DLGAP2: variants seen among roughly 807,000 people sequenced by gnomAD.
DLGAP2 encodes the protein DLG associated protein 2.
A neutral mutation model predicts 100.3 loss-of-function variants in DLGAP2; 26 were observed. The observed-to-expected ratio is 0.26, with a 90% confidence interval of 0.19 to 0.36. The LOEUF is 0.36. DLGAP2 is among the 10% of genes least tolerant of loss of function. The pLI is 1.00. For synonymous variants in DLGAP2, 886 were observed against 630.1 expected, an observed-to-expected ratio of 1.41 and a Z score of -6.08; for missense variants, 1,858 against 1,453.2, an observed-to-expected ratio of 1.28 and a Z score of -4.53.
intron 2 of DLGAP2, among the ~76,000 whole-genome samples, chr8:1,046,639 A>T (rs946318288): frequency 6.6e-6 from 1 of 152,182 alleles, no homozygotes; most frequent in East Asian, 1.9e-4. Context: ...GTACACGTTG[A>T]AAAGGGGGAT....
chr8:741,495 G>A, intron 1 of DLGAP2, among the ~76,000 whole-genome samples: 1 of 152,174 alleles, frequency 6.6e-6, no homozygotes, highest in East Asian at 1.9e-4. Context: ...AGAGGGGCCT[G>A]GGTGTTCTGA....
intron 1 of DLGAP2, among the ~76,000 whole-genome samples, chr8:848,090 G>T (rs1215681551): frequency 1.3e-5 from 2 of 152,128 alleles, no homozygotes; most frequent in East Asian, 3.9e-4. Flanking sequence ...GCACCTGCCT[G>T]CCTGTTCTCT....
chr8:821,121 T>C (rs1195024540), intron 1 of DLGAP2, among the ~76,000 whole-genome samples: 2 of 152,204 alleles, frequency 1.3e-5, no homozygotes, highest in Non-Finnish European at 2.9e-5. Context: ...ACAATAAAAG[T>C]CAGCTAATTT....
chr8:1,249,440 G>A (rs1011677839), intron 2 of DLGAP2, among the ~76,000 whole-genome samples: 9 of 152,144 alleles, frequency 5.9e-5, no homozygotes, highest in African/African-American at 2.2e-4. Context: ...ACTTTCTTCT[G>A]TTTCTCTGCT....
intron 2 of DLGAP2, among the ~76,000 whole-genome samples, chr8:1,024,816 G>A (rs373721297): frequency 2.4e-4 from 37 of 152,248 alleles, no homozygotes; most frequent in African/African-American, 7.5e-4. Context: ...TTAGGCCAGC[G>A]GCGTCTCAAG....
chr8:823,085 C>G (rs1796613452), intron 1 of DLGAP2, among the ~76,000 whole-genome samples: 1 of 152,052 alleles, frequency 6.6e-6, no homozygotes, highest in Non-Finnish European at 1.5e-5. Context: ...CACTGCCTGT[C>G]ATCTCCTTCT....
intron 2 of DLGAP2, among the ~76,000 whole-genome samples, chr8:1,083,104 T>C (rs569016620): frequency 8.3e-4 from 127 of 152,340 alleles, no homozygotes; most frequent in Middle Eastern, 3.4e-3. Flanking sequence ...TACACAGTTA[T>C]CTGTGTGTGA....
chr8:1,191,672 A>C (rs1164570149), intron 2 of DLGAP2, among the ~76,000 whole-genome samples: 1 of 152,170 alleles, frequency 6.6e-6, no homozygotes, highest in Admixed American at 6.5e-5. Context: ...AAACATTAGA[A>C]ATCAAGAAGG....
chr8:971,356 A>G (rs530752599), intron 2 of DLGAP2, among the ~76,000 whole-genome samples: 1 of 152,250 alleles, frequency 6.6e-6, no homozygotes, highest in East Asian at 1.9e-4. Flanking sequence ...GAAGTGCTGA[A>G]CTCGCTGAAA....
intron 6 of DLGAP2, among the ~76,000 whole-genome samples, chr8:1,603,131 C>G (rs56677028): frequency 2.0e-3 from 125 of 61,564 alleles, no homozygotes; most frequent in African/African-American, 2.2e-3. Flanking sequence ...CAGTTCTCCA[C>G]AGGCTGGTTA....
chr8:1,051,398 G>A (rs112981708), intron 2 of DLGAP2, among the ~76,000 whole-genome samples: 2 of 151,984 alleles, frequency 1.3e-5, no homozygotes, highest in Non-Finnish European at 2.9e-5. Context: ...ATCCAATACC[G>A]TCAGCTGTTT....
intron 1 of DLGAP2, among the ~76,000 whole-genome samples, chr8:858,626 T>G (rs1797329387): frequency 6.7e-6 from 1 of 148,586 alleles, no homozygotes; most frequent in African/African-American, 2.5e-5. Context: ...GCTGTCACCG[T>G]GGGCACGTGT....
chr8:1,626,888 G>A lies in DLGAP2; in HGVS notation c.1590+1G>A, dbSNP rs1797518769. 6.3e-7 allele frequency: 1 copy of A among 1,594,820 alleles called. No individual in the cohort carries two copies. Among genetic ancestry groups the A allele is most frequent in the Non-Finnish European group, 8.5e-7 (1 of 1,171,040 alleles). On this transcript the variant is annotated splice_donor_variant, in intron 7 of 14. Transcript: ENST00000637795. LOFTEE classifies it high-confidence loss of function. ...GAGCCAGGCCAGCTGCGTGAGCCAG[G>A]TCAGGGTCCCTTCGCCCTTTCTCCC...
chr8:755,668 T>C (rs1820901542), intron 1 of DLGAP2, among the ~76,000 whole-genome samples: 1 of 151,954 alleles, frequency 6.6e-6, no homozygotes, highest in Non-Finnish European at 1.5e-5. Context: ...TGGAGCTCTT[T>C]GTGAATCTGA....
chr8:1,317,224 TCGGCAG>T (rs200212411), intron 3 of DLGAP2, among the ~76,000 whole-genome samples: 4 of 133,164 alleles, frequency 3.0e-5, no homozygotes, highest in Non-Finnish European at 4.7e-5. Context: ...CTCGAGACAC[TCGGCAG>T]CGTTTAAAAA....
chr8:1,171,632 A>G (rs1188298755), intron 2 of DLGAP2, among the ~76,000 whole-genome samples: 5 of 152,186 alleles, frequency 3.3e-5, no homozygotes, highest in Admixed American at 6.5e-5. Flanking sequence ...CTTTACCATT[A>G]TGTAATGGCC....
At position 1,181,830 on chromosome 8, in the gene DLGAP2, C is replaced by G. The variant is rs189238664; in HGVS notation, c.74-77021C>G. ...CACCCACGCAGAAGGCTATGAGTGA[C>G]AGGTACCACCTTCCTCCCTGCACGG... On this transcript the variant is annotated intron_variant, in intron 2 of 14. Coordinates refer to ENST00000637795, the MANE Select transcript of DLGAP2 (RefSeq NM_001346810.2). Among the ~76,000 whole-genome samples the G allele has an allele frequency of 9.8e-5, 15 of 152,294 alleles. No individual in the cohort carries two copies. In the East Asian group the frequency reaches 2.9e-3, roughly 29 times the overall value.
At chr8:1,287,150 G>GTGTGCGCGCGCGCGCGCGTGGT (rs1799940012) in intron 3 of DLGAP2, among the ~76,000 whole-genome samples, 1 of 131,964 alleles carries the variant, frequency 7.6e-6, no homozygotes, top group Admixed American at 7.7e-5. Flanking sequence ...GTGTGTGTGT[G>GTGTGCGCGCGCGCGCGCGTGGT]TGTGTGTGCG....
In DLGAP2 at chr8:974,984, C is replaced by T. The variant is rs75666896; in HGVS notation, c.73+67018C>T. Among the ~76,000 whole-genome samples the T allele has an allele frequency of 3.2e-3, 488 of 152,214 alleles. 3 individuals are homozygous for T. The highest frequency in any genetic ancestry group is 0.011 in the African/African-American group (460 of 41,550). On this transcript the variant is annotated intron_variant, in intron 2 of 14. Coordinates refer to ENST00000637795, the MANE Select transcript of DLGAP2 (RefSeq NM_001346810.2). ...TCTTTGAAAAGATCAAAACACTTGACGAACCTCTGACCAGGCTAATGAAGA... is the reference window on the plus strand; with the variant it reads ...TCTTTGAAAAGATCAAAACACTTGATGAACCTCTGACCAGGCTAATGAAGA...
Sources: gnomAD v4.1 joint callset for allele counts (sites outside exome capture counted in the v4.1 genomes callset) on GRCh38, gnomAD v4.1.1 for gene constraint, MANE v1.5 for transcripts, NCBI Gene and HGNC (gene_info 2026-07-23, HGNC 2026-07-21) for gene names.